RAD51B: variants seen among roughly 807,000 people sequenced by gnomAD.
The protein encoded by RAD51B is DNA repair protein RAD51 homolog 2.
RAD51B carries 38 observed loss-of-function variants against 42.2 expected under a neutral mutation model. The ratio of observed to expected loss-of-function variants is 0.90; its 90% CI spans 0.70 to 1.18. The LOEUF (loss-of-function observed/expected upper bound fraction) is 1.18. RAD51B is among the 50% of genes most tolerant of loss of function. The pLI is 0.00. For missense variants in RAD51B, 373 were observed against 400.7 expected, an observed-to-expected ratio of 0.93 and a Z score of 0.59; for synonymous variants, 154 against 145.2, an observed-to-expected ratio of 1.06 and a Z score of -0.43.
intron 7 of RAD51B, among the ~76,000 whole-genome samples, chr14:68,058,014 C>A (rs1422190622): frequency 6.6e-6 from 1 of 151,876 alleles, no homozygotes; most frequent in African/African-American, 2.4e-5. Context: ...AAGAATTTGT[C>A]TTTCCTCTGT....
intron 7 of RAD51B, among the ~76,000 whole-genome samples, chr14:67,942,323 T>C (rs1295872033): frequency 1.3e-5 from 2 of 152,200 alleles, no homozygotes; most frequent in Non-Finnish European, 1.5e-5. Context: ...TTTGCAACTT[T>C]CATTAAAAAA....
intron 10 of RAD51B, among the ~76,000 whole-genome samples, chr14:68,593,300 G>T (rs1890839592): frequency 6.6e-6 from 1 of 152,212 alleles, no homozygotes; most frequent in South Asian, 2.1e-4. Context: ...TTGTTCTAAG[G>T]ACTAAATGAG....
chr14:68,142,531 T>C (rs924034312), intron 7 of RAD51B, among the ~76,000 whole-genome samples: 1 of 152,222 alleles, frequency 6.6e-6, no homozygotes, highest in Non-Finnish European at 1.5e-5. Context: ...AGAAATATAA[T>C]ATTTTAAATC....
intron 8 of RAD51B, among the ~76,000 whole-genome samples, chr14:68,360,630 T>C (rs1185926188): frequency 3.3e-5 from 5 of 152,372 alleles, no homozygotes; most frequent in South Asian, 4.1e-4. Context: ...AATTGGGACT[T>C]AGGTGGGGTG....
At chr14:68,624,014 G>C (rs1396186225) in intron 10 of RAD51B, among the ~76,000 whole-genome samples, 1 of 152,174 alleles carries the variant, frequency 6.6e-6, no homozygotes, top group Non-Finnish European at 1.5e-5. Context: ...TGAGCCTTTT[G>C]GTCAGGAAGG....
rs71281749 is a variant in RAD51B at position 68,260,298 on chromosome 14, C to CGTGT, written c.757-31568_757-31565dup. Among the ~76,000 whole-genome samples, 58 of 96,660 alleles carry CGTGT rather than the reference C, an allele frequency of 6.0e-4. 4 individuals are homozygous for CGTGT. Among genetic ancestry groups the CGTGT allele is most frequent in the African/African-American group, 1.2e-3 (21 of 17,728 alleles). 63.4% of individuals were successfully genotyped at this position (96,660 alleles called of 152,430 possible). Reference sequence around the variant, plus strand: ...AAGAGGGCCAGTGTGGCTGAGAGACCGTGTGTGTGTGTGTGTGTGTGGAGA... The same window carrying CGTGT: ...AAGAGGGCCAGTGTGGCTGAGAGACCGTGTGTGTGTGTGTGTGTGTGTGTGGAGA... On this transcript the variant is annotated intron_variant, in intron 7 of 10. Coordinates refer to ENST00000471583, the MANE Select transcript of RAD51B (RefSeq NM_133510.4).
chr14:68,362,589 C>G (rs2083049024), intron 8 of RAD51B, among the ~76,000 whole-genome samples: 2 of 152,152 alleles, frequency 1.3e-5, no homozygotes, highest in Non-Finnish European at 2.9e-5. Flanking sequence ...GTGGCTCACA[C>G]CTGTAATCCC....
At chr14:67,995,465 TG>T (rs1286254197) in intron 7 of RAD51B, among the ~76,000 whole-genome samples, 1 of 152,154 alleles carries the variant, frequency 6.6e-6, no homozygotes, top group Non-Finnish European at 1.5e-5. Context: ...CTACTCCACA[TG>T]TCCAAAACTG....
At chr14:68,648,488 G>C (rs1279111975) in intron 10 of RAD51B, among the ~76,000 whole-genome samples, 1 of 151,542 alleles carries the variant, frequency 6.6e-6, no homozygotes, top group South Asian at 2.1e-4. Flanking sequence ...TTGGAGACCA[G>C]CCATATAAAA....
At chr14:68,532,541 A>G (rs906116938) in intron 10 of RAD51B, among the ~76,000 whole-genome samples, 2 of 152,240 alleles carry the variant, frequency 1.3e-5, no homozygotes, top group Non-Finnish European at 2.9e-5. Flanking sequence ...ATAATTAATT[A>G]GAAAATCCAA....
At chr14:68,246,408 C>G (rs949892614) in intron 7 of RAD51B, among the ~76,000 whole-genome samples, 9 of 151,982 alleles carry the variant, frequency 5.9e-5, no homozygotes, top group African/African-American at 2.2e-4. Context: ...TTGTACAAAC[C>G]AGGGAGATGG....
chr14:68,552,868 G>C (rs968247843), intron 10 of RAD51B, among the ~76,000 whole-genome samples: 1 of 152,174 alleles, frequency 6.6e-6, no homozygotes, highest in Non-Finnish European at 1.5e-5. Flanking sequence ...GGATAAGTAA[G>C]AGGAACTGAA....
At chr14:68,351,112 A>G (rs1420980179) in intron 8 of RAD51B, among the ~76,000 whole-genome samples, 1 of 152,214 alleles carries the variant, frequency 6.6e-6, no homozygotes, top group Non-Finnish European at 1.5e-5. Flanking sequence ...CAAGTAAGAC[A>G]TAGACCCTGC....
At chr14:68,055,361 G>A (rs988256904) in intron 7 of RAD51B, among the ~76,000 whole-genome samples, 3 of 152,130 alleles carry the variant, frequency 2.0e-5, no homozygotes, top group Non-Finnish European at 4.4e-5. Context: ...TTCCCTTAAT[G>A]TAGGTAGTAA....
At chr14:68,225,099 AC>A (rs1347986759) in intron 7 of RAD51B, among the ~76,000 whole-genome samples, 5 of 152,182 alleles carry the variant, frequency 3.3e-5, no homozygotes, top group Non-Finnish European at 7.3e-5. Context: ...ATTTAGAGAA[AC>A]TTTTTTTCTA....
chr14:68,523,326 C>T (rs995443896), intron 10 of RAD51B, among the ~76,000 whole-genome samples: 4 of 152,258 alleles, frequency 2.6e-5, no homozygotes, highest in Admixed American at 1.3e-4. Context: ...TGCCACAAGG[C>T]GCAGAGTGGA....
intron 7 of RAD51B, among the ~76,000 whole-genome samples, chr14:68,074,604 G>A (rs1443935084): frequency 6.6e-6 from 1 of 152,258 alleles, no homozygotes; most frequent in Admixed American, 6.5e-5. Flanking sequence ...GAGACACTCT[G>A]GCTTTTAGAA....
chr14:68,064,481 G>A lies in RAD51B; in HGVS notation c.756+177277G>A, dbSNP rs2076618135. On this transcript the variant is annotated intron_variant, in intron 7 of 10. Transcript: ENST00000471583. The stretch of plus-strand genomic sequence containing the variant: ...ATTTTTGAGCTTCCTGGATTTAGAT[G>A]TCTATATCTCTCCCAAGACTTGGGT... Among the ~76,000 whole-genome samples, 3 of 152,060 alleles carry A rather than the reference G, an allele frequency of 2.0e-5. No homozygotes were observed. The South Asian group carries it at 6.2e-4, about 32-fold the overall frequency.
In RAD51B at chr14:68,331,939, A is replaced by G. The variant is rs565990947; in HGVS notation, c.853+39959A>G. Among the ~76,000 whole-genome samples the G allele has an allele frequency of 8.4e-4, 95 of 112,802 alleles. 1 individual carries two copies. The highest frequency in any genetic ancestry group is 4.6e-3 in the African/African-American group (93 of 20,018). 74.0% of individuals were successfully genotyped at this position (112,802 alleles called of 152,430 possible). A position where few individuals can be genotyped will look rare whatever the true frequency, so the allele number is the denominator to read the frequency against. ...GATTTTGATGGAAAGGAATCTTAAC[A>G]ATACCCCATTCATATGCATTTTCCA... On this transcript the variant is annotated intron_variant, in intron 8 of 10. Coordinates refer to ENST00000471583, the MANE Select transcript of RAD51B (RefSeq NM_133510.4).
Sources: allele counts gnomAD v4.1 joint callset (sites outside exome capture counted in the v4.1 genomes callset), GRCh38; gene constraint gnomAD v4.1.1; transcripts MANE v1.5; gene names NCBI Gene and HGNC (gene_info 2026-07-23, HGNC 2026-07-21).